Variants in KCNK9 observed in about 807,000 individuals in gnomAD.
KCNK9 encodes the protein potassium channel subfamily K member 9.
In KCNK9, 1 loss-of-function variant was observed where a neutral mutation model predicts 10.8. The ratio of observed to expected loss-of-function variants is 0.09; its 90% CI spans 0.03 to 0.44. KCNK9 has a LOEUF of 0.44. Among genes scored for constraint, KCNK9 ranks in the 20% least tolerant of loss-of-function variants. The probability of loss-of-function intolerance (pLI) is 0.97; values close to 1 mark genes in which losing one functional copy is unlikely to be tolerated. For synonymous variants in KCNK9, 231 were observed against 222.7 expected (o/e 1.04, Z -0.33); for missense variants, 303 against 515.0 (o/e 0.59, Z 3.98).
At chr8:139,673,922 G>A (rs1409496360) in intron 1 of KCNK9, among the ~76,000 whole-genome samples, 1 of 152,076 alleles carries the variant, frequency 6.6e-6, no homozygotes, top group Non-Finnish European at 1.5e-5. Context: ...AACCAGAGCT[G>A]ACGGCTCCAG....
intron 1 of KCNK9, among the ~76,000 whole-genome samples, chr8:139,686,019 T>G (rs1011289301): frequency 2.6e-5 from 4 of 152,232 alleles, no homozygotes; most frequent in Non-Finnish European, 5.9e-5. Context: ...TGATTTGCAT[T>G]TCTCTGATGA....
Position 139,677,761 on chromosome 8 carries a change from A to AG in KCNK9, c.283+24948_283+24949insC, listed in dbSNP as rs1816589710. ...CTACAGCTTCAGAGTAATACCTCAC[A>AG]TCTGATCCCAATGTGTCCCCATGGC... On this transcript the variant is annotated intron_variant, in intron 1 of 1. Coordinates refer to ENST00000520439, the MANE Select transcript of KCNK9 (RefSeq NM_001282534.2). 1.7e-4 allele frequency among the ~76,000 whole-genome samples: 24 copies of AG among 145,284 alleles called. 1 individual carries two copies. The highest frequency in any genetic ancestry group is 6.8e-4 in the African/African-American group (24 of 35,224).
chr8:139,648,004 C>T (rs1003284771), intron 1 of KCNK9, among the ~76,000 whole-genome samples: 6 of 152,150 alleles, frequency 3.9e-5, no homozygotes, highest in Non-Finnish European at 7.3e-5. Flanking sequence ...CATAGCAGCA[C>T]GCTAGCTGAA....
chr8:139,624,756 C>T (rs1405105263), intron 1 of KCNK9, among the ~76,000 whole-genome samples: 2 of 152,210 alleles, frequency 1.3e-5, no homozygotes, highest in Non-Finnish European at 1.5e-5. Flanking sequence ...CCAGTTCACC[C>T]GGCCCACCTC....
At chr8:139,662,367 C>T (rs573050391) in intron 1 of KCNK9, among the ~76,000 whole-genome samples, 2 of 152,204 alleles carry the variant, frequency 1.3e-5, no homozygotes, top group South Asian at 2.1e-4. Flanking sequence ...CGAGGGGACA[C>T]GCAGGTGGCC....
At chr8:139,637,759 C>G (rs1225257074) in intron 1 of KCNK9, among the ~76,000 whole-genome samples, 2 of 47,822 alleles carry the variant, frequency 4.2e-5, no homozygotes, top group East Asian at 8.6e-4. Context: ...TATTCCTACT[C>G]TACACACACA....
At chr8:139,601,881 G>A (rs1325181433) in intron 2 of KCNK9, 2 of 152,218 alleles carry the variant, frequency 1.3e-5, no homozygotes, top group African/African-American at 4.8e-5. Context: ...CTAACCGCCT[G>A]AGGAACGGTG....
chr8:139,631,735 A>G (rs1815180211), intron 1 of KCNK9, among the ~76,000 whole-genome samples: 1 of 152,138 alleles, frequency 6.6e-6, no homozygotes, highest in African/African-American at 2.4e-5. Flanking sequence ...AAATATATAT[A>G]AAATGTGGCT....
chr8:139,628,991 G>A (rs58775045), intron 1 of KCNK9, among the ~76,000 whole-genome samples: 6 of 152,266 alleles, frequency 3.9e-5, no homozygotes, highest in South Asian at 4.1e-4. Context: ...ACCCAGCACC[G>A]CTTGCAGTGG....
rs551686465 is a variant in KCNK9 at position 139,700,931 on chromosome 8, T to TA, written c.283+1778dup. ...AACTCTCGGGATCAGCCAAGCATTTTATGTGCCTGTTTTACTACTGGAAGC... is the reference window on the plus strand; with the variant it reads ...AACTCTCGGGATCAGCCAAGCATTTTAATGTGCCTGTTTTACTACTGGAAGC... On this transcript the variant is annotated intron_variant, in intron 1 of 1. Transcript: ENST00000520439. Among the ~76,000 whole-genome samples the TA allele has an allele frequency of 3.2e-3, 487 of 152,344 alleles. 4 individuals are homozygous for TA. Among genetic ancestry groups the TA allele is most frequent in the African/African-American group, 0.011 (449 of 41,570 alleles).
chr8:139,663,109 T>A (rs949200850), intron 1 of KCNK9, among the ~76,000 whole-genome samples: 1 of 152,090 alleles, frequency 6.6e-6, no homozygotes, highest in Non-Finnish European at 1.5e-5. Context: ...AAGGAGGGAC[T>A]GTGCAGGTCT....
At chr8:139,672,220 C>T (rs926961767) in intron 1 of KCNK9, among the ~76,000 whole-genome samples, 1 of 152,170 alleles carries the variant, frequency 6.6e-6, no homozygotes, top group Non-Finnish European at 1.5e-5. Flanking sequence ...ACACACACCA[C>T]CCACCTGACT....
At chr8:139,619,364 T>G (rs1302860704) in intron 1 of KCNK9, among the ~76,000 whole-genome samples, 4 of 151,490 alleles carry the variant, frequency 2.6e-5, no homozygotes, top group African/African-American at 9.7e-5. Flanking sequence ...TGTGCTGGGA[T>G]GGAAGGGAAG....
At chr8:139,676,483 C>T (rs1816552446) in intron 1 of KCNK9, among the ~76,000 whole-genome samples, 1 of 152,204 alleles carries the variant, frequency 6.6e-6, no homozygotes, top group South Asian at 2.1e-4. Flanking sequence ...CAGGATGTCT[C>T]AGAATAGGGC....
In KCNK9 at chr8:139,626,645, G is replaced by A. The variant is rs189126639; in HGVS notation, c.284-7546C>T. 2.6e-3 allele frequency among the ~76,000 whole-genome samples: 399 copies of A among 152,310 alleles called. 1 individual carries two copies. Among genetic ancestry groups the A allele is most frequent in the African/African-American group, 9.1e-3 (377 of 41,564 alleles). The stretch of plus-strand genomic sequence containing the variant: ...CTGGAGCGGCTGTCATGCAGGTGAG[G>A]GGTACCCATGGCTGTCTCCCCCAGC... On this transcript the variant is annotated intron_variant, in intron 1 of 1. Transcript: ENST00000520439.
chr8:139,630,064 A>T (rs1586644879), intron 1 of KCNK9, among the ~76,000 whole-genome samples: 1 of 143,316 alleles, frequency 7.0e-6, no homozygotes, highest in African/African-American at 2.6e-5. Context: ...TTGCGGGGGG[A>T]GCGGGCGTGG....
At chr8:139,683,219 T>C (rs1057124062) in intron 1 of KCNK9, among the ~76,000 whole-genome samples, 7 of 151,952 alleles carry the variant, frequency 4.6e-5, no homozygotes, top group African/African-American at 1.2e-4. Context: ...GCTCCAGATT[T>C]CTCCCCTGCC....
At chr8:139,697,418 TAGAC>T (rs1817089176) in intron 1 of KCNK9, among the ~76,000 whole-genome samples, 5 of 150,398 alleles carry the variant, frequency 3.3e-5, no homozygotes, top group South Asian at 2.1e-4. Context: ...TGGATGGGGA[TAGAC>T]AGATGGATGG....
At chr8:139,644,303 G>A (rs574714751) in intron 1 of KCNK9, among the ~76,000 whole-genome samples, 1 of 152,174 alleles carries the variant, frequency 6.6e-6, no homozygotes, top group South Asian at 2.1e-4. Flanking sequence ...TTCAACCAAC[G>A]TCCTCAGAAC....
Sources: allele counts gnomAD v4.1 joint callset (sites outside exome capture counted in the v4.1 genomes callset), GRCh38; gene constraint gnomAD v4.1.1; transcripts MANE v1.5; gene names NCBI Gene and HGNC (gene_info 2026-07-23, HGNC 2026-07-21).